Variants in LGR4 observed in about 807,000 individuals in gnomAD.
LGR4 encodes the protein leucine-rich repeat-containing G protein-coupled receptor 4.
In LGR4, 44 loss-of-function variants were observed where a neutral mutation model predicts 84.8. The ratio of observed to expected loss-of-function variants is 0.52; its 90% CI spans 0.41 to 0.67. LGR4 has a LOEUF of 0.67. Ranked by LOEUF, LGR4 falls within the 30% of genes least tolerant of loss-of-function variation. LGR4 has a pLI of 0.00. For missense variants in LGR4, 1,032 were observed against 1,131.4 expected (o/e 0.91, Z 1.26); for synonymous variants, 429 against 434.3 (o/e 0.99, Z 0.15).
chr11:27,369,778 T>C (rs1372024212), intron 17 of LGR4, among the ~76,000 whole-genome samples: 2 of 152,328 alleles, frequency 1.3e-5, no homozygotes, highest in Non-Finnish European at 2.9e-5. Flanking sequence ...ATTTTTTATA[T>C]ATTTTCTTAT....
intron 11 of LGR4, 48 bp from the exon 12 acceptor site, chr11:27,377,271 T>C (rs759617624): frequency 1.0e-6 from 1 of 996,946 alleles, no homozygotes. Flanking sequence ...ATCAGAGTAT[T>C]ATATTAAAAG....
intron 2 of LGR4, among the ~76,000 whole-genome samples, chr11:27,407,524 T>C (rs1863634625): frequency 6.6e-6 from 1 of 152,106 alleles, no homozygotes; most frequent in Non-Finnish European, 1.5e-5. Context: ...TTAAATGCAA[T>C]AGAATATATT....
intron 1 of LGR4, among the ~76,000 whole-genome samples, chr11:27,459,418 GT>G: frequency 6.6e-6 from 1 of 151,964 alleles, no homozygotes. Flanking sequence ...ACAGCGGGGG[GT>G]TTTTCCTCCT....
chr11:27,460,992 G>A (rs1000962641), intron 1 of LGR4, among the ~76,000 whole-genome samples: 2 of 151,924 alleles, frequency 1.3e-5, no homozygotes, highest in Non-Finnish European at 2.9e-5. Context: ...TACTGCATAC[G>A]TTAGCTACTA....
At chr11:27,461,917 C>A (rs966538901) in intron 1 of LGR4, among the ~76,000 whole-genome samples, 10 of 150,514 alleles carry the variant, frequency 6.6e-5, no homozygotes, top group East Asian at 3.9e-4. Flanking sequence ...GCAACCTCCC[C>A]CTCCCGGATT....
intron 2 of LGR4, among the ~76,000 whole-genome samples, chr11:27,412,483 T>C (rs1863730019): frequency 6.6e-6 from 1 of 152,136 alleles, no homozygotes; most frequent in Non-Finnish European, 1.5e-5. Context: ...CCTTGTTATC[T>C]CAGAATAACA....
In LGR4 at chr11:27,377,130, A is replaced by G. The variant is rs770957211; in HGVS notation, c.1109+28T>C. 4 of 1,421,614 alleles carry G rather than the reference A, an allele frequency of 2.8e-6. No individual in the cohort carries two copies. In the East Asian group the frequency reaches 7.0e-5, roughly 25 times the overall value. The allele number at this position is 1,421,614 out of a possible 1,614,324, so 88.1% of individuals were successfully genotyped here. On this transcript the variant is annotated intron_variant, in intron 12 of 17. Transcript: ENST00000379214. Reference sequence around the variant, plus strand: ...CAACAAACTAACAATACACCACAACAAAAGGAATAAGTCAAAGACCAACTC... The same window carrying G: ...CAACAAACTAACAATACACCACAACGAAAGGAATAAGTCAAAGACCAACTC...
chr11:27,449,788 C>CT (rs1315804851), intron 1 of LGR4, among the ~76,000 whole-genome samples: 3 of 152,172 alleles, frequency 2.0e-5, no homozygotes, highest in Admixed American at 6.5e-5. Context: ...ATTCTAAACT[C>CT]TTTAAAAACA....
At chr11:27,385,124 C>T (rs1863161723) in intron 5 of LGR4, 129 bp downstream of exon 5, 1 of 620,302 alleles carries the variant, frequency 1.6e-6, no homozygotes, top group Non-Finnish European at 2.8e-6. Flanking sequence ...TGTACAAAAG[C>T]AGCTCCCAAA....
chr11:27,406,406 A>T (rs1427310020), intron 2 of LGR4, among the ~76,000 whole-genome samples: 1 of 152,160 alleles, frequency 6.6e-6, no homozygotes, highest in Non-Finnish European at 1.5e-5. Context: ...CACCCAGCTT[A>T]TAATGAGCTA....
chr11:27,367,824 A>G lies in LGR4; in HGVS notation c.*43T>C, dbSNP rs1336678142. On this transcript the variant is annotated 3_prime_UTR_variant, in exon 18 of 18. Transcript: ENST00000379214. ...TGAGAATAGGGTTCACTCTATAAAC[A>G]CTGATTTTGGTTGACGGGGGAAACG... The G allele has an allele frequency of 3.5e-6, 5 of 1,423,296 alleles. No individual in the cohort carries two copies. In the African/African-American group the frequency reaches 5.7e-5, roughly 16 times the overall value. 88.2% of individuals were successfully genotyped at this position (1,423,296 alleles called of 1,614,324 possible).
chr11:27,402,619 A>G (rs931691160), intron 2 of LGR4, among the ~76,000 whole-genome samples: 4 of 152,184 alleles, frequency 2.6e-5, no homozygotes, highest in Admixed American at 2.6e-4. Flanking sequence ...GTAATAAAGT[A>G]AGAAAAGATT....
chr11:27,469,243 G>A (rs1442544653), intron 1 of LGR4, among the ~76,000 whole-genome samples: 2 of 152,064 alleles, frequency 1.3e-5, no homozygotes, highest in African/African-American at 2.4e-5. Context: ...CCGGTAAAGC[G>A]GCTTTCACCA....
chr11:27,438,315 T>C (rs1342926563), intron 1 of LGR4, among the ~76,000 whole-genome samples: 4 of 152,182 alleles, frequency 2.6e-5, no homozygotes, highest in African/African-American at 9.7e-5. Flanking sequence ...TTTATACTCT[T>C]CTGAAAAATG....
intron 2 of LGR4, among the ~76,000 whole-genome samples, chr11:27,402,450 A>C (rs1170402271): frequency 6.6e-6 from 1 of 152,146 alleles, no homozygotes; most frequent in Non-Finnish European, 1.5e-5. Flanking sequence ...GACGTGGCTG[A>C]GCAACTCCAT....
chr11:27,431,114 G>T (rs1329573305), intron 1 of LGR4, among the ~76,000 whole-genome samples: 1 of 151,980 alleles, frequency 6.6e-6, no homozygotes, highest in Non-Finnish European at 1.5e-5. Flanking sequence ...CCTCTGTCTA[G>T]TTATCATTGG....
intron 1 of LGR4, among the ~76,000 whole-genome samples, chr11:27,454,693 G>A (rs1864541735): frequency 6.6e-6 from 1 of 151,576 alleles, no homozygotes; most frequent in South Asian, 2.1e-4. Context: ...CCAGGGCGGT[G>A]GTGGTTGCAG....
chr11:27,439,609 G>T lies in LGR4; in HGVS notation c.186-26749C>A, dbSNP rs79926584. Among the ~76,000 whole-genome samples the T allele has an allele frequency of 3.6e-3, 546 of 152,132 alleles. 1 individual carries two copies. The highest frequency in any genetic ancestry group is 0.012 in the African/African-American group (516 of 41,504). On this transcript the variant is annotated intron_variant, in intron 1 of 17. Transcript: ENST00000379214. ...CATATACCCAGGAGTGAAATTGCTG[G>T]GCCATATGGCAACTCTATTTTTAAT...
At chr11:27,370,200 T>G (rs1862854070) in intron 17 of LGR4, among the ~76,000 whole-genome samples, 1 of 152,254 alleles carries the variant, frequency 6.6e-6, no homozygotes, top group African/African-American at 2.4e-5. Context: ...TTTAAATTGT[T>G]AAGATATTCA....
Sources: gnomAD v4.1 joint callset for allele counts (sites outside exome capture counted in the v4.1 genomes callset) on GRCh38, gnomAD v4.1.1 for gene constraint, MANE v1.5 for transcripts, NCBI Gene and HGNC (gene_info 2026-07-23, HGNC 2026-07-21) for gene names.